The following SYNDIG1 variants were observed in gnomAD, a reference collection of about 807,000 sequenced individuals.
The protein encoded by SYNDIG1 is synapse differentiation inducing 1, also known as synapse differentiation-inducing gene protein 1.
In SYNDIG1, 9 loss-of-function variants were observed where a neutral mutation model predicts 19.4. The observed-to-expected ratio is 0.46, with a 90% CI of 0.28 to 0.81. The LOEUF (loss-of-function observed/expected upper bound fraction) is 0.81. Among genes scored for constraint, SYNDIG1 ranks in the 30% least tolerant of loss-of-function variants. SYNDIG1 has a pLI of 0.12. For missense variants in SYNDIG1, 311 were observed against 343.3 expected (o/e 0.91, Z 0.74); for synonymous variants, 141 against 145.9 (o/e 0.97, Z 0.24).
At chr20:24,569,699 G>A (rs1054417065) in intron 2 of SYNDIG1, among the ~76,000 whole-genome samples, 1 of 152,148 alleles carries the variant, frequency 6.6e-6, no homozygotes, top group African/African-American at 2.4e-5. Context: ...CCAGAAAAAA[G>A]TGCAAACAAA....
intron 1 of SYNDIG1, among the ~76,000 whole-genome samples, chr20:24,536,625 C>T (rs2057367229): frequency 6.6e-6 from 1 of 152,106 alleles, no homozygotes; most frequent in Admixed American, 6.5e-5. Context: ...AGCTGAACAG[C>T]CTTCCACACA....
At chr20:24,607,635 C>A (rs1159495196) in intron 3 of SYNDIG1, among the ~76,000 whole-genome samples, 1 of 152,226 alleles carries the variant, frequency 6.6e-6, no homozygotes, top group Admixed American at 6.5e-5. Context: ...CTCCCCCTCT[C>A]CCTGCTTCAA....
chr20:24,566,513 G>A (rs1018853333), intron 2 of SYNDIG1, among the ~76,000 whole-genome samples: 4 of 152,202 alleles, frequency 2.6e-5, no homozygotes, highest in African/African-American at 9.7e-5. Flanking sequence ...TAAGGCGCTG[G>A]TGTACACCGT....
chr20:24,637,930 T>A (rs935990265), intron 3 of SYNDIG1, among the ~76,000 whole-genome samples: 1 of 152,206 alleles, frequency 6.6e-6, no homozygotes, highest in Non-Finnish European at 1.5e-5. Context: ...CCTAGAAGCA[T>A]CTTAGAAACT....
intron 3 of SYNDIG1, among the ~76,000 whole-genome samples, chr20:24,634,636 TA>T (rs1195372965): frequency 6.6e-6 from 1 of 152,272 alleles, no homozygotes; most frequent in Non-Finnish European, 1.5e-5. Context: ...TTATGTGTGT[TA>T]TTTTTTTTCC....
At chr20:24,628,455 T>C (rs1451454361) in intron 3 of SYNDIG1, among the ~76,000 whole-genome samples, 1 of 152,224 alleles carries the variant, frequency 6.6e-6, no homozygotes, top group Non-Finnish European at 1.5e-5. Flanking sequence ...CACTAAGGGC[T>C]TTATAGCAGA....
intron 3 of SYNDIG1, among the ~76,000 whole-genome samples, chr20:24,663,787 C>G (rs966497701): frequency 6.6e-6 from 1 of 152,152 alleles, no homozygotes; most frequent in Non-Finnish European, 1.5e-5. Flanking sequence ...TTGCATAGCC[C>G]TGGGGATGGC....
intron 1 of SYNDIG1, among the ~76,000 whole-genome samples, chr20:24,533,033 G>T (rs761888339): frequency 6.6e-6 from 1 of 152,050 alleles, no homozygotes; most frequent in African/African-American, 2.4e-5. Flanking sequence ...TCCCCAGCAC[G>T]TGGGAGAGAA....
chr20:24,581,589 G>A (rs1042045275), intron 2 of SYNDIG1, among the ~76,000 whole-genome samples: 42 of 152,036 alleles, frequency 2.8e-4, no homozygotes, highest in African/African-American at 7.7e-4. Flanking sequence ...TGACACCCCC[G>A]AAGCCACATG....
chr20:24,535,256 G>A (rs181593864), intron 1 of SYNDIG1, among the ~76,000 whole-genome samples: 7 of 152,316 alleles, frequency 4.6e-5, no homozygotes, highest in Non-Finnish European at 7.4e-5. Context: ...TGAGAGCATA[G>A]GAGTAGCTCT....
chr20:24,508,909 A>G (rs2056672647), intron 1 of SYNDIG1, among the ~76,000 whole-genome samples: 1 of 152,246 alleles, frequency 6.6e-6, no homozygotes, highest in African/African-American at 2.4e-5. Context: ...CCAGGTCAAC[A>G]AGAAATAAAA....
chr20:24,632,089 C>T (rs1248812726), intron 3 of SYNDIG1, among the ~76,000 whole-genome samples: 1 of 152,178 alleles, frequency 6.6e-6, no homozygotes, highest in African/African-American at 2.4e-5. Context: ...CAGAACTAGA[C>T]TCATTCATCT....
rs759140050 is a variant in SYNDIG1 at position 24,665,513 on chromosome 20, C to T, written c.*9C>T. On this transcript the variant is annotated 3_prime_UTR_variant, in exon 4 of 4. Transcript: ENST00000376862. ...AGAACAACCACCTGTGAGCTTCCTG[C>T]GAATGGAGGGGGAGCACCCGGGGCC... The T allele has an allele frequency of 1.5e-5, 24 of 1,613,636 alleles. No homozygotes were observed. Among genetic ancestry groups the T allele is most frequent in the Middle Eastern group, 1.6e-4 (1 of 6,078 alleles).
chr20:24,596,914 G>C (rs1470847782), intron 3 of SYNDIG1: 1 of 152,214 alleles, frequency 6.6e-6, no homozygotes, highest in Non-Finnish European at 1.5e-5. Context: ...GGATATCACT[G>C]GTCACACAGC....
At chr20:24,478,216 A>C (rs773226766) in intron 1 of SYNDIG1, among the ~76,000 whole-genome samples, 2 of 152,268 alleles carry the variant, frequency 1.3e-5, no homozygotes, top group Non-Finnish European at 2.9e-5. Context: ...AAGGAGATTC[A>C]GGAAGACCAC....
chr20:24,533,376 C>T (rs1408210160), intron 1 of SYNDIG1, among the ~76,000 whole-genome samples: 1 of 152,146 alleles, frequency 6.6e-6, no homozygotes. Context: ...AAACAAACTG[C>T]AGTCGTCTAA....
At chr20:24,617,147 C>A (rs1424094344) in intron 3 of SYNDIG1, among the ~76,000 whole-genome samples, 1 of 152,162 alleles carries the variant, frequency 6.6e-6, no homozygotes, top group Non-Finnish European at 1.5e-5. Flanking sequence ...GAAGAGGTGG[C>A]CGCCTGGGTG....
chr20:24,574,917 C>T (rs1165882291), intron 2 of SYNDIG1, among the ~76,000 whole-genome samples: 1 of 152,224 alleles, frequency 6.6e-6, no homozygotes, highest in Non-Finnish European at 1.5e-5. Context: ...AGGAGAAATA[C>T]ATTTGTGCTT....
At chr20:24,569,641 C>T (rs2058108909) in intron 2 of SYNDIG1, among the ~76,000 whole-genome samples, 2 of 152,082 alleles carry the variant, frequency 1.3e-5, no homozygotes, top group South Asian at 4.2e-4. Flanking sequence ...AAATCAAAAC[C>T]AAAAACCCCA....
Sources: allele counts gnomAD v4.1 joint callset (sites outside exome capture counted in the v4.1 genomes callset), GRCh38; gene constraint gnomAD v4.1.1; transcripts MANE v1.5; gene names NCBI Gene and HGNC (gene_info 2026-07-23, HGNC 2026-07-21).